Variants in SPOCK3 observed in about 807,000 individuals in gnomAD.
SPOCK3 encodes SPARC (osteonectin), cwcv and kazal like domains proteoglycan 3.
SPOCK3 carries 30 observed loss-of-function variants against 56.6 expected under a neutral mutation model. That is an observed-to-expected ratio of 0.53 (90% CI 0.40 to 0.72). The LOEUF is 0.72. Ranked by LOEUF, SPOCK3 falls within the 30% of genes least tolerant of loss-of-function variation. SPOCK3 has a pLI of 0.00. For synonymous variants in SPOCK3, 196 were observed against 183.3 expected (o/e 1.07, Z -0.56); for missense variants, 527 against 530.0 (o/e 0.99, Z 0.06).
chr4:166,738,070 GT>G (rs1326865263), intron 9 of SPOCK3, among the ~76,000 whole-genome samples: 2 of 152,132 alleles, frequency 1.3e-5, no homozygotes, highest in Non-Finnish European at 2.9e-5. Flanking sequence ...CAAGCTATGT[GT>G]TTTTCCCAAA....
In SPOCK3 at chr4:166,754,732, A is replaced by G; in HGVS notation, c.710-3T>C. The G allele has an allele frequency of 6.2e-7, 1 of 1,612,642 alleles. No homozygotes were observed. Among genetic ancestry groups the G allele is most frequent in the Middle Eastern group, 1.7e-4 (1 of 6,058 alleles). On this transcript the variant is annotated splice_region_variant and splice_polypyrimidine_tract_variant and intron_variant, in intron 7 of 10. Coordinates refer to ENST00000357545, the MANE Select transcript of SPOCK3 (RefSeq NM_001040159.2). ...TGGCAAGATGCTGGTATCGAATCCT[A>G]AAGGCAAAAAAAAGAAAATGATTAG...
At chr4:167,022,140 A>T (rs1050758167) in intron 3 of SPOCK3, among the ~76,000 whole-genome samples, 13 of 151,846 alleles carry the variant, frequency 8.6e-5, no homozygotes, top group Admixed American at 8.5e-4. Flanking sequence ...AACTCATAAA[A>T]CTGTGTGTCT....
At chr4:166,940,139 T>G (rs1740882881) in intron 4 of SPOCK3, among the ~76,000 whole-genome samples, 1 of 152,218 alleles carries the variant, frequency 6.6e-6, no homozygotes, top group South Asian at 2.1e-4. Flanking sequence ...CAATGACATC[T>G]TTTCTACTAT....
At chr4:166,782,595 A>G (rs959016197) in intron 7 of SPOCK3, among the ~76,000 whole-genome samples, 1 of 152,196 alleles carries the variant, frequency 6.6e-6, no homozygotes, top group African/African-American at 2.4e-5. Flanking sequence ...AAAGTCATTC[A>G]AAGTCTGATA....
At chr4:166,775,525 C>A (rs1056581186) in intron 7 of SPOCK3, among the ~76,000 whole-genome samples, 1 of 152,132 alleles carries the variant, frequency 6.6e-6, no homozygotes, top group African/African-American at 2.4e-5. Context: ...ATGTAAGATT[C>A]TGGGCATCAA....
At chr4:166,804,564 A>AT (rs1354257903) in intron 6 of SPOCK3, among the ~76,000 whole-genome samples, 5 of 152,160 alleles carry the variant, frequency 3.3e-5, no homozygotes, top group Non-Finnish European at 5.9e-5. Context: ...CATTGTGAAC[A>AT]TTAAGAAGCT....
chr4:166,780,608 G>A (rs1217149323), intron 7 of SPOCK3, among the ~76,000 whole-genome samples: 1 of 152,080 alleles, frequency 6.6e-6, no homozygotes, highest in African/African-American at 2.4e-5. Flanking sequence ...CAAAGGAAAA[G>A]AGTTAAAAAC....
At chr4:167,231,469 T>C (rs541905448) in intron 2 of SPOCK3, among the ~76,000 whole-genome samples, 1 of 152,262 alleles carries the variant, frequency 6.6e-6, no homozygotes, top group East Asian at 1.9e-4. Flanking sequence ...GAATTCCATG[T>C]TTCTTTGCCC....
intron 4 of SPOCK3, among the ~76,000 whole-genome samples, chr4:166,940,753 A>G (rs1340932806): frequency 3.4e-5 from 5 of 148,148 alleles, no homozygotes; most frequent in Admixed American, 6.7e-5. Flanking sequence ...GGAGTCTTAC[A>G]TTCTTCATAA....
At chr4:166,763,406 A>G (rs1737517273) in intron 7 of SPOCK3, among the ~76,000 whole-genome samples, 1 of 152,140 alleles carries the variant, frequency 6.6e-6, no homozygotes, top group South Asian at 2.1e-4. Context: ...TGTAATAATG[A>G]CAGAGAATGT....
chr4:166,905,584 T>C (rs1468474099), intron 5 of SPOCK3, among the ~76,000 whole-genome samples: 3 of 151,984 alleles, frequency 2.0e-5, no homozygotes, highest in African/African-American at 7.2e-5. Context: ...TGAACACTTT[T>C]CTTATAAATT....
At chr4:167,198,259 TA>T (rs1390669750) in intron 2 of SPOCK3, among the ~76,000 whole-genome samples, 1 of 152,110 alleles carries the variant, frequency 6.6e-6, no homozygotes, top group Non-Finnish European at 1.5e-5. Flanking sequence ...CAAAAAAAAT[TA>T]AAGTCTTTCT....
intron 8 of SPOCK3, among the ~76,000 whole-genome samples, chr4:166,746,644 C>T (rs1735652456): frequency 6.6e-6 from 1 of 152,028 alleles, no homozygotes; most frequent in African/African-American, 2.4e-5. Context: ...CAGAGAAGAA[C>T]TGAAGGAGAT....
chr4:166,870,869 G>A (rs1239565732), intron 6 of SPOCK3, among the ~76,000 whole-genome samples: 4 of 152,036 alleles, frequency 2.6e-5, no homozygotes, highest in Non-Finnish European at 4.4e-5. Flanking sequence ...TCATGGGGAT[G>A]GTACCCCCAT....
chr4:167,113,810 T>C (rs1397389730), intron 2 of SPOCK3, among the ~76,000 whole-genome samples: 5 of 152,074 alleles, frequency 3.3e-5, no homozygotes, highest in Non-Finnish European at 7.4e-5. Flanking sequence ...GAGTATCTTT[T>C]TCCATGAAGA....
At position 167,058,930 on chromosome 4, in the gene SPOCK3, G is replaced by A. The variant is rs573431711; in HGVS notation, c.235+3562C>T. Among the ~76,000 whole-genome samples, 284 of 152,196 alleles carry A rather than the reference G, an allele frequency of 1.9e-3. 2 individuals carry two copies. Among genetic ancestry groups the A allele is most frequent in the African/African-American group, 6.3e-3 (261 of 41,508 alleles). On this transcript the variant is annotated intron_variant, in intron 3 of 10. Transcript: ENST00000357545. ...ATTCCCTACTTAATAAATGGTGCTG[G>A]GAAAACTGGCCAGCCATATGTAGAA... is the stretch of plus-strand genomic sequence containing the variant.
chr4:167,175,420 A>G (rs2150477365), intron 2 of SPOCK3, among the ~76,000 whole-genome samples: 1 of 152,166 alleles, frequency 6.6e-6, no homozygotes, highest in South Asian at 2.1e-4. Context: ...AAATTTTAGG[A>G]TTTGCTTTAA....
intron 3 of SPOCK3, among the ~76,000 whole-genome samples, chr4:167,046,899 G>A (rs1753785074): frequency 6.6e-6 from 1 of 152,184 alleles, no homozygotes; most frequent in South Asian, 2.1e-4. Flanking sequence ...TGGGGAGACA[G>A]AAGCAAAGAC....
intron 6 of SPOCK3, among the ~76,000 whole-genome samples, chr4:166,816,188 C>A (rs1744357884): frequency 6.6e-6 from 1 of 151,958 alleles, no homozygotes; most frequent in African/African-American, 2.4e-5. Context: ...CATTTAATGT[C>A]ATTTTTATAT....
Sources: allele counts gnomAD v4.1 joint callset (sites outside exome capture counted in the v4.1 genomes callset), GRCh38; gene constraint gnomAD v4.1.1; transcripts MANE v1.5; gene names NCBI Gene and HGNC (gene_info 2026-07-23, HGNC 2026-07-21).